The following STK32B variants were observed in gnomAD, a reference collection of about 807,000 sequenced individuals.
STK32B encodes the protein serine/threonine kinase 32B, also known as serine/threonine-protein kinase 32B.
In STK32B, 43 loss-of-function variants were observed where a neutral mutation model predicts 52.6. That is an observed-to-expected ratio of 0.82 (90% CI 0.64 to 1.05). STK32B has a LOEUF of 1.05. STK32B is among the 50% of genes least tolerant of loss of function. The pLI, the probability that STK32B is intolerant of heterozygous loss-of-function variation, is 0.00. For missense variants in STK32B, 621 were observed against 534.6 expected, an observed-to-expected ratio of 1.16 and a Z score of -1.59; for synonymous variants, 238 against 204.3, an observed-to-expected ratio of 1.17 and a Z score of -1.41.
chr4:5,297,209 A>G lies in STK32B; in HGVS notation c.261-34011A>G, dbSNP rs184502588. On this transcript the variant is annotated intron_variant, in intron 3 of 11. Transcript: ENST00000282908. Reference sequence around the variant, plus strand: ...ACCTTTCTCTCTGGCTGCCCTTAACATGTCTTCCTTCATTTCAACCTTTGT... The same window carrying G: ...ACCTTTCTCTCTGGCTGCCCTTAACGTGTCTTCCTTCATTTCAACCTTTGT... Among the ~76,000 whole-genome samples, 790 of 152,244 alleles carry G rather than the reference A, an allele frequency of 5.2e-3. 6 individuals are homozygous for G. The highest frequency in any genetic ancestry group is 0.01 in the Admixed American group (154 of 15,288).
At chr4:5,463,022 G>A (rs1717156514) in intron 9 of STK32B, among the ~76,000 whole-genome samples, 2 of 152,236 alleles carry the variant, frequency 1.3e-5, no homozygotes, top group Admixed American at 1.3e-4. Flanking sequence ...TCAGGCGGCT[G>A]CACCCTAGTT....
At chr4:5,282,371 A>G (rs1473410624) in intron 3 of STK32B, among the ~76,000 whole-genome samples, 1 of 152,206 alleles carries the variant, frequency 6.6e-6, no homozygotes. Flanking sequence ...TGGGTTCTGC[A>G]TCTGTGGATA....
chr4:5,474,145 A>T lies in STK32B; in HGVS notation c.1106+6075A>T, dbSNP rs1718052401. On this transcript the variant is annotated intron_variant, in intron 11 of 11. Transcript: ENST00000282908. ...AAAGAAAAAAAATTAATGTTGGCTG[A>T]CTTCATCTGCTTAGGTGGCCTCCCT... Among the ~76,000 whole-genome samples, 3 of 152,218 alleles carry T rather than the reference A, an allele frequency of 2.0e-5. No individual in the cohort carries two copies. In the South Asian group the frequency reaches 6.2e-4, roughly 32 times the overall value.
At chr4:5,454,256 G>A (rs778821895) in intron 7 of STK32B, among the ~76,000 whole-genome samples, 8 of 151,734 alleles carry the variant, frequency 5.3e-5, no homozygotes, top group Non-Finnish European at 7.4e-5. Flanking sequence ...TGTGATGGCC[G>A]TAACTAAGAT....
intron 3 of STK32B, among the ~76,000 whole-genome samples, chr4:5,305,040 A>G (rs1384040090): frequency 6.7e-6 from 1 of 149,800 alleles, no homozygotes. Flanking sequence ...TATGAAACCC[A>G]CTTGATCATG....
chr4:5,198,985 C>T (rs1428624353), intron 3 of STK32B, among the ~76,000 whole-genome samples: 2 of 152,166 alleles, frequency 1.3e-5, no homozygotes, highest in Non-Finnish European at 2.9e-5. Context: ...GCCACTCTGA[C>T]AATTTCCATT....
intron 1 of STK32B, among the ~76,000 whole-genome samples, chr4:5,055,874 T>G (rs558855438): frequency 6.6e-6 from 1 of 152,334 alleles, no homozygotes; most frequent in African/African-American, 2.4e-5. Flanking sequence ...TTTATTTTTT[T>G]TTGTGGAAAT....
chr4:5,496,197 C>T (rs2108734773), intron 11 of STK32B, among the ~76,000 whole-genome samples: 1 of 152,368 alleles, frequency 6.6e-6, no homozygotes, highest in Middle Eastern at 3.4e-3. Flanking sequence ...CCTACAGAGG[C>T]AGGCAAGCCT....
intron 4 of STK32B, 102 bp downstream of exon 4, chr4:5,331,495 T>A (rs1732249062): frequency 7.7e-7 from 1 of 1,305,586 alleles, no homozygotes; most frequent in East Asian, 2.4e-5. Context: ...CTTGACATGG[T>A]TTAAAAGTGG....
chr4:5,187,097 C>T (rs1354886636), intron 3 of STK32B, among the ~76,000 whole-genome samples: 1 of 152,168 alleles, frequency 6.6e-6, no homozygotes, highest in Non-Finnish European at 1.5e-5. Flanking sequence ...CAGGCAGTTC[C>T]TGCAGGTGAG....
intron 11 of STK32B, among the ~76,000 whole-genome samples, chr4:5,486,538 A>T (rs1425268091): frequency 1.3e-5 from 2 of 152,236 alleles, no homozygotes; most frequent in Non-Finnish European, 2.9e-5. Flanking sequence ...TTCCAAGGTG[A>T]GGCGATGCCT....
chr4:5,357,787 G>T (rs1734283298), intron 4 of STK32B, among the ~76,000 whole-genome samples: 1 of 136,544 alleles, frequency 7.3e-6, no homozygotes, highest in Non-Finnish European at 1.5e-5. Context: ...TAGTAAACAG[G>T]GGGAAAACTG....
chr4:5,129,911 C>A (rs1715646069), intron 1 of STK32B, among the ~76,000 whole-genome samples: 1 of 152,014 alleles, frequency 6.6e-6, no homozygotes, highest in African/African-American at 2.4e-5. Context: ...TTATTGAGTG[C>A]CTATTATATG....
chr4:5,127,217 C>T (rs1715459876), intron 1 of STK32B: 3 of 457,482 alleles, frequency 6.6e-6, no homozygotes, highest in African/African-American at 2.0e-5. Flanking sequence ...TACAGTTGAG[C>T]GTCCCAGAAA....
the STK32B span, among the ~76,000 whole-genome samples, chr4:5,031,531 C>G: frequency 3.3e-5 from 5 of 151,450 alleles, no homozygotes; most frequent in Non-Finnish European, 5.9e-5. Flanking sequence ...TCCAAGAGGT[C>G]GAGGCTGGAG....
chr4:5,168,577 T>C (rs1351773220), intron 3 of STK32B, 127 bp downstream of exon 3: 4 of 1,147,106 alleles, frequency 3.5e-6, no homozygotes, highest in African/African-American at 3.1e-5. Context: ...GGTTCAGTTA[T>C]TCTTAAGTAT....
intron 1 of STK32B, among the ~76,000 whole-genome samples, chr4:5,097,038 A>G (rs1001490026): frequency 6.6e-6 from 1 of 152,222 alleles, no homozygotes; most frequent in African/African-American, 2.4e-5. Context: ...CAAGAGGCAG[A>G]GGTAGGATTT....
chr4:5,074,738 A>C (rs1248567970), intron 1 of STK32B, among the ~76,000 whole-genome samples: 1 of 152,102 alleles, frequency 6.6e-6, no homozygotes, highest in African/African-American at 2.4e-5. Flanking sequence ...TCTCTCAGTT[A>C]TGTGATTTCT....
chr4:5,468,211 T>C, intron 11 of STK32B, 141 bp downstream of exon 11: 1 of 779,560 alleles, frequency 1.3e-6, no homozygotes, highest in East Asian at 2.6e-5. Flanking sequence ...CACAGGGCTC[T>C]GGTGGGGGGT....
Sources: gnomAD v4.1 joint callset for allele counts (sites outside exome capture counted in the v4.1 genomes callset) on GRCh38, gnomAD v4.1.1 for gene constraint, MANE v1.5 for transcripts, NCBI Gene and HGNC (gene_info 2026-07-23, HGNC 2026-07-21) for gene names.